EYS: variants seen among roughly 807,000 people sequenced by gnomAD.
The protein encoded by EYS is EGF-like photoreceptor maintenance factor.
In EYS, 250 loss-of-function variants were observed where a neutral mutation model predicts 282.1. The ratio of observed to expected loss-of-function variants is 0.89; its 90% CI spans 0.80 to 0.98. The LOEUF (loss-of-function observed/expected upper bound fraction) is 0.98. Ranked by LOEUF, EYS falls within the 50% of genes least tolerant of loss-of-function variation. EYS has a pLI of 0.00. For missense variants in EYS, 4,016 were observed against 3,709.0 expected (o/e 1.08, Z -2.15); for synonymous variants, 1,355 against 1,282.9 (o/e 1.06, Z -1.20).
intron 26 of EYS, among the ~76,000 whole-genome samples, chr6:64,466,041 C>T (rs975414484): frequency 3.3e-5 from 5 of 151,784 alleles, no homozygotes; most frequent in African/African-American, 1.2e-4. Flanking sequence ...AAATTGAAAC[C>T]ACAATGAAAT....
At chr6:65,274,427 G>A (rs1767987324) in intron 12 of EYS, among the ~76,000 whole-genome samples, 1 of 152,130 alleles carries the variant, frequency 6.6e-6, no homozygotes, top group Non-Finnish European at 1.5e-5. Flanking sequence ...TGCAGCTGCT[G>A]TACAAGATGT....
At chr6:63,753,411 C>T (rs1282857297) in intron 41 of EYS, among the ~76,000 whole-genome samples, 2 of 151,884 alleles carry the variant, frequency 1.3e-5, no homozygotes, top group Non-Finnish European at 2.9e-5. Flanking sequence ...ATTTGGAAGG[C>T]ATATGTTTTA....
intron 2 of EYS, among the ~76,000 whole-genome samples, chr6:65,601,338 A>G (rs951857467): frequency 1.3e-4 from 20 of 151,964 alleles, no homozygotes; most frequent in Non-Finnish European, 2.4e-4. Flanking sequence ...AAGAAACCAT[A>G]TGAGATTAGA....
intron 12 of EYS, among the ~76,000 whole-genome samples, chr6:65,233,215 G>A (rs1766835460): frequency 6.6e-6 from 1 of 151,932 alleles, no homozygotes; most frequent in African/African-American, 2.4e-5. Flanking sequence ...ACTGTGTATG[G>A]GTCATATTTT....
At chr6:64,839,977 A>G (rs1583211981) in intron 19 of EYS, among the ~76,000 whole-genome samples, 1 of 152,064 alleles carries the variant, frequency 6.6e-6, no homozygotes, top group Non-Finnish European at 1.5e-5. Flanking sequence ...CATTCAGACT[A>G]TAGCATATGC....
rs528388464 is a variant in EYS at position 65,457,022 on chromosome 6, C to T, written c.862+33572G>A. 3.9e-5 allele frequency among the ~76,000 whole-genome samples: 6 copies of T among 152,126 alleles called. No individual in the cohort carries two copies. In the South Asian group the frequency reaches 1.2e-3, roughly 32 times the overall value. On this transcript the variant is annotated intron_variant, in intron 5 of 42. Coordinates refer to ENST00000503581, the MANE Select transcript of EYS (RefSeq NM_001142800.2). ...TTTACCCCCTTGAGTTTAGGCATAG[C>T]TTTGTGATTGGTTTTAGCTAAATAA...
chr6:64,996,988 G>GT (rs1482338873), intron 14 of EYS, among the ~76,000 whole-genome samples: 1 of 152,140 alleles, frequency 6.6e-6, no homozygotes, highest in Non-Finnish European at 1.5e-5. Context: ...TTGAGTAGGT[G>GT]TTTTTATGTC....
At chr6:65,159,935 T>A (rs1386765773) in intron 12 of EYS, among the ~76,000 whole-genome samples, 1 of 150,854 alleles carries the variant, frequency 6.6e-6, no homozygotes, top group East Asian at 2.0e-4. Flanking sequence ...GAAATGAGAG[T>A]AACGAAGAGT....
intron 26 of EYS, among the ~76,000 whole-genome samples, chr6:64,573,164 G>C (rs1039971855): frequency 1.3e-5 from 2 of 152,110 alleles, no homozygotes; most frequent in African/African-American, 2.4e-5. Context: ...GCAAAAACAA[G>C]CAATGGGGAA....
At chr6:64,009,093 G>C (rs1055158840) in intron 33 of EYS, among the ~76,000 whole-genome samples, 1 of 152,042 alleles carries the variant, frequency 6.6e-6, no homozygotes, top group Admixed American at 6.5e-5. Context: ...TGCTCTTTCA[G>C]GGATGCCAAT....
intron 12 of EYS, among the ~76,000 whole-genome samples, chr6:65,097,372 T>TG (rs149425259): frequency 0.011 from 1,578 of 148,140 alleles, 31 homozygotes; most frequent in African/African-American, 0.036. Context: ...GTAGTGAAAT[T>TG]GGAATCTTCA....
chr6:63,783,084 C>G (rs1770276534), intron 39 of EYS, among the ~76,000 whole-genome samples: 1 of 151,474 alleles, frequency 6.6e-6, no homozygotes, highest in Admixed American at 6.6e-5. Flanking sequence ...TCACAAGAAA[C>G]CGAAAGTACT....
intron 5 of EYS, among the ~76,000 whole-genome samples, chr6:65,426,951 T>G (rs1009747337): frequency 1.3e-5 from 2 of 152,122 alleles, no homozygotes; most frequent in Non-Finnish European, 2.9e-5. Context: ...TTAATATTAA[T>G]GTAGTTAAAT....
chr6:65,407,978 G>T (rs1766827312), intron 5 of EYS, among the ~76,000 whole-genome samples: 1 of 151,996 alleles, frequency 6.6e-6, no homozygotes, highest in South Asian at 2.1e-4. Context: ...TTTCTAATTT[G>T]TTGAGAGTTT....
chr6:64,399,605 A>G (rs981769406), intron 28 of EYS, among the ~76,000 whole-genome samples: 1 of 151,920 alleles, frequency 6.6e-6, no homozygotes, highest in African/African-American at 2.4e-5. Context: ...ATGATTTGTC[A>G]TCAAATTGCT....
At chr6:63,865,288 T>G (rs748292530) in intron 35 of EYS, among the ~76,000 whole-genome samples, 2 of 152,202 alleles carry the variant, frequency 1.3e-5, no homozygotes, top group Non-Finnish European at 2.9e-5. Flanking sequence ...TAGCTAATAC[T>G]TAGCAATGTA....
intron 31 of EYS, among the ~76,000 whole-genome samples, chr6:64,095,997 T>C (rs1772596116): frequency 6.6e-6 from 1 of 152,244 alleles, no homozygotes; most frequent in South Asian, 2.1e-4. Context: ...AGTATTTTAT[T>C]TCTCCACTTA....
At chr6:65,442,384 G>T (rs1768365834) in intron 5 of EYS, among the ~76,000 whole-genome samples, 1 of 151,914 alleles carries the variant, frequency 6.6e-6, no homozygotes, top group Admixed American at 6.6e-5. Context: ...TAAGAACTTA[G>T]AAATTTTATT....
intron 41 of EYS, among the ~76,000 whole-genome samples, chr6:63,732,228 CAAAAG>C (rs965713641): frequency 1.3e-5 from 2 of 151,944 alleles, no homozygotes; most frequent in African/African-American, 4.8e-5. Context: ...AACTAAACCT[CAAAAG>C]AAATGAATTT....
Sources: allele counts gnomAD v4.1 joint callset (sites outside exome capture counted in the v4.1 genomes callset), GRCh38; gene constraint gnomAD v4.1.1; transcripts MANE v1.5; gene names NCBI Gene and HGNC (gene_info 2026-07-23, HGNC 2026-07-21).